The following FRMD6 variants were observed in gnomAD, a reference collection of about 807,000 sequenced individuals.
FRMD6 encodes the protein FERM domain-containing protein 6.
Under a neutral mutation model 73.2 loss-of-function variants are expected in FRMD6, and 37 were observed. That is an observed-to-expected ratio of 0.51 (90% confidence interval 0.39 to 0.66). FRMD6 has a LOEUF of 0.66. FRMD6 is among the 30% of genes least tolerant of loss of function. The pLI, the probability that FRMD6 is intolerant of heterozygous loss-of-function variation, is 0.00. For missense variants in FRMD6, 714 were observed against 780.5 expected, an observed-to-expected ratio of 0.91 and a Z score of 1.02; for synonymous variants, 273 against 282.2, an observed-to-expected ratio of 0.97 and a Z score of 0.33.
rs116313325 is a variant in FRMD6, at chr14:51,617,801, C to T, written c.-147+47391C>T. Reference sequence around the variant, plus strand: ...AAACCACCTTTCCTAACTTATTTTTCTTCTTTAAACCTGTTTCACTATCTG... The same window carrying T: ...AAACCACCTTTCCTAACTTATTTTTTTTCTTTAAACCTGTTTCACTATCTG... On this transcript the variant is annotated intron_variant, in intron 2 of 14. Coordinates refer to the FRMD6 transcript ENST00000356218. Among the ~76,000 whole-genome samples, 1,364 of 152,180 alleles carry T rather than the reference C, an allele frequency of 9.0e-3. 26 individuals are homozygous for T. Among genetic ancestry groups the T allele is most frequent in the African/African-American group, 0.031 (1,281 of 41,520 alleles).
At chr14:51,667,756 A>G (rs773482351) in intron 1 of FRMD6, among the ~76,000 whole-genome samples, 12 of 152,340 alleles carry the variant, frequency 7.9e-5, no homozygotes, top group Admixed American at 3.3e-4. Context: ...AAAATCAGGA[A>G]CAGTTTTTAA....
chr14:51,612,186 G>A (rs1465180857), intron 2 of FRMD6, among the ~76,000 whole-genome samples: 2 of 152,106 alleles, frequency 1.3e-5, no homozygotes, highest in South Asian at 2.1e-4. Context: ...CTAATTTTAT[G>A]TTTATATCCA....
the FRMD6 span, among the ~76,000 whole-genome samples, chr14:51,431,138 T>C: frequency 2.0e-5 from 3 of 152,212 alleles, no homozygotes; most frequent in Non-Finnish European, 4.4e-5. Context: ...CCATCATACC[T>C]GTGGATGGCC....
At chr14:51,558,123 G>T (rs2139484446) in intron 1 of FRMD6, among the ~76,000 whole-genome samples, 1 of 152,186 alleles carries the variant, frequency 6.6e-6, no homozygotes, top group East Asian at 1.9e-4. Flanking sequence ...TTAAAAAAAT[G>T]TTGTAAACCA....
At chr14:51,668,505 C>T (rs1250669279) in intron 1 of FRMD6, among the ~76,000 whole-genome samples, 1 of 151,922 alleles carries the variant, frequency 6.6e-6, no homozygotes, top group African/African-American at 2.4e-5. Flanking sequence ...AGAGTTTTGT[C>T]ATGATGGCCG....
chr14:51,512,006 T>C (rs1884339915), intron 1 of FRMD6, among the ~76,000 whole-genome samples: 1 of 152,192 alleles, frequency 6.6e-6, no homozygotes, highest in African/African-American at 2.4e-5. Flanking sequence ...GTAATAATAC[T>C]TCATGATGTA....
chr14:51,523,570 G>GT (rs1885064328), intron 1 of FRMD6, among the ~76,000 whole-genome samples: 1 of 152,228 alleles, frequency 6.6e-6, no homozygotes, highest in Non-Finnish European at 1.5e-5. Flanking sequence ...GGTTGCTCCT[G>GT]TAAGTGTATG....
intron 1 of FRMD6, among the ~76,000 whole-genome samples, chr14:51,676,203 T>A (rs1195909316): frequency 6.6e-6 from 1 of 152,178 alleles, no homozygotes; most frequent in African/African-American, 2.4e-5. Flanking sequence ...AAAGTGCCAG[T>A]TTCTTAACCT....
intron 1 of FRMD6, among the ~76,000 whole-genome samples, chr14:51,569,006 T>C (rs375334230): frequency 1.3e-5 from 2 of 152,056 alleles, no homozygotes; most frequent in Admixed American, 6.5e-5. Flanking sequence ...CCACCACGCC[T>C]GGCTAATTTT....
At chr14:51,613,008 T>G (rs1474148124) in intron 2 of FRMD6, among the ~76,000 whole-genome samples, 1 of 152,060 alleles carries the variant, frequency 6.6e-6, no homozygotes, top group Non-Finnish European at 1.5e-5. Flanking sequence ...TGCAATGGCT[T>G]GGAAGCATGA....
At chr14:51,445,845 A>C in the FRMD6 span, among the ~76,000 whole-genome samples, 1 of 152,232 alleles carries the variant, frequency 6.6e-6, no homozygotes, top group African/African-American at 2.4e-5. Context: ...TAATTAGCTC[A>C]ATAAATATGT....
At chr14:51,694,702 A>C (rs1187515353) in intron 2 of FRMD6, among the ~76,000 whole-genome samples, 1 of 152,204 alleles carries the variant, frequency 6.6e-6, no homozygotes, top group Non-Finnish European at 1.5e-5. Context: ...GGGAAAAAAA[A>C]TAGTCCATAT....
At chr14:51,553,196 G>A (rs747570514) in intron 1 of FRMD6, among the ~76,000 whole-genome samples, 8 of 152,156 alleles carry the variant, frequency 5.3e-5, no homozygotes, top group Non-Finnish European at 7.3e-5. Context: ...TAAAAAGGAC[G>A]CAAATGTCAA....
intron 1 of FRMD6, among the ~76,000 whole-genome samples, chr14:51,544,879 C>T (rs1886384908): frequency 6.6e-6 from 1 of 151,900 alleles, no homozygotes; most frequent in Admixed American, 6.6e-5. Flanking sequence ...GGCATTTATA[C>T]ACACACACAC....
chr14:51,580,219 G>A (rs1888642641), intron 2 of FRMD6, among the ~76,000 whole-genome samples: 2 of 152,250 alleles, frequency 1.3e-5, no homozygotes, highest in Middle Eastern at 3.4e-3. Flanking sequence ...CAACCTGGGA[G>A]GAATGTGGAC....
chr14:51,453,109 T>G, the FRMD6 span, among the ~76,000 whole-genome samples: 1 of 150,032 alleles, frequency 6.7e-6, no homozygotes, highest in Non-Finnish European at 1.5e-5. Context: ...TTAAGATGAG[T>G]GAGAACTGAA....
chr14:51,717,789 A>G (rs913453435), intron 10 of FRMD6, among the ~76,000 whole-genome samples: 1 of 152,220 alleles, frequency 6.6e-6, no homozygotes, highest in Non-Finnish European at 1.5e-5. Context: ...AATTTTATGT[A>G]GAGTCACCTT....
chr14:51,609,606 A>C (rs1890405568), intron 2 of FRMD6, among the ~76,000 whole-genome samples: 1 of 152,214 alleles, frequency 6.6e-6, no homozygotes, highest in Non-Finnish European at 1.5e-5. Flanking sequence ...GCATGCGTTC[A>C]ATCAGAGAGA....
chr14:51,548,645 T>C (rs1303701748), intron 1 of FRMD6, among the ~76,000 whole-genome samples: 1 of 152,090 alleles, frequency 6.6e-6, no homozygotes, highest in Non-Finnish European at 1.5e-5. Flanking sequence ...GAAGGGGAAA[T>C]GTGGGGGAAA....
Sources: allele counts gnomAD v4.1 joint callset (sites outside exome capture counted in the v4.1 genomes callset), GRCh38; gene constraint gnomAD v4.1.1; transcripts MANE v1.5; gene names NCBI Gene and HGNC (gene_info 2026-07-23, HGNC 2026-07-21).